The following ATP6V1H variants were observed in gnomAD, a reference collection of about 807,000 sequenced individuals.
ATP6V1H encodes ATPase H+ transporting V1 subunit H.
Under a neutral mutation model 71.7 loss-of-function variants are expected in ATP6V1H, and 39 were observed. That is an observed-to-expected ratio of 0.54 (90% CI 0.42 to 0.71). ATP6V1H has a LOEUF of 0.71. ATP6V1H is among the 30% of genes least tolerant of loss of function. The pLI, the probability that ATP6V1H is intolerant of heterozygous loss-of-function variation, is 0.00. For missense variants in ATP6V1H, 509 were observed against 594.9 expected, an observed-to-expected ratio of 0.86 and a Z score of 1.50; for synonymous variants, 192 against 199.3, an observed-to-expected ratio of 0.96 and a Z score of 0.31.
intron 5 of ATP6V1H, among the ~76,000 whole-genome samples, chr8:53,815,626 CT>C (rs1810423774): frequency 6.6e-6 from 1 of 152,312 alleles, no homozygotes; most frequent in East Asian, 1.9e-4. Flanking sequence ...AATGGGGCGC[CT>C]TTACTTGCTC....
intron 4 of ATP6V1H, among the ~76,000 whole-genome samples, chr8:53,823,413 CA>C (rs1431725528): frequency 2.0e-5 from 3 of 152,014 alleles, no homozygotes; most frequent in Admixed American, 6.6e-5. Context: ...TAAATCACTA[CA>C]TATCAGAGCT....
chr8:53,756,690 T>G, intron 11 of ATP6V1H, 34 bp from the exon 12 acceptor site: 1 of 1,450,468 alleles, frequency 6.9e-7, no homozygotes, highest in Non-Finnish European at 9.6e-7. Context: ...GAGATCAAGT[T>G]CTAATTTTTC....
intron 9 of ATP6V1H, 61 bp from the exon 10 acceptor site, chr8:53,772,228 C>A: frequency 7.6e-7 from 1 of 1,315,168 alleles, no homozygotes; most frequent in South Asian, 1.4e-5. Flanking sequence ...GATTCAGAGA[C>A]CTCTGCACAT....
Position 53,755,523 on chromosome 8 carries a change from C to T in ATP6V1H, c.1277+1032G>A, listed in dbSNP as rs189733191. 5.2e-3 allele frequency among the ~76,000 whole-genome samples: 768 copies of T among 148,128 alleles called. 4 individuals carry two copies. Among genetic ancestry groups the T allele is most frequent in the Non-Finnish European group, 9.9e-3 (661 of 67,002 alleles). ...TTACGGGGGGTGGGGGTGGGAGTGG[C>T]GATTCTTTTCCTAAGGGCCAGATAA... On this transcript the variant is annotated intron_variant, in intron 12 of 13. Transcript: ENST00000359530.
intron 9 of ATP6V1H, among the ~76,000 whole-genome samples, chr8:53,790,819 G>A (rs1340262221): frequency 6.6e-6 from 1 of 152,208 alleles, no homozygotes; most frequent in Admixed American, 6.5e-5. Context: ...CCTAGTTGTA[G>A]TAAAGGAACA....
intron 13 of ATP6V1H, among the ~76,000 whole-genome samples, chr8:53,734,824 A>G (rs947654879): frequency 2.6e-5 from 4 of 151,932 alleles, no homozygotes; most frequent in Non-Finnish European, 5.9e-5. Context: ...CCTTGTACCT[A>G]CTTATTCTAA....
chr8:53,781,819 T>C lies in ATP6V1H; in HGVS notation c.871-9652A>G, dbSNP rs1199528161. On this transcript the variant is annotated intron_variant, in intron 9 of 13. Coordinates refer to ENST00000359530, the MANE Select transcript of ATP6V1H (RefSeq NM_015941.4). ...GGGAATCCTTTCCCCATTGCTTGTT[T>C]TTGTCAGGTTTGTCAAAGATCAGAT... Among the ~76,000 whole-genome samples, 6 of 152,168 alleles carry C rather than the reference T, an allele frequency of 3.9e-5. No individual in the cohort carries two copies. In the East Asian group the frequency reaches 1.2e-3, roughly 29 times the overall value.
intron 12 of ATP6V1H, among the ~76,000 whole-genome samples, chr8:53,755,732 ATATATATATAT>A (rs1808022191): frequency 1.9e-4 from 1 of 5,164 alleles, no homozygotes. Flanking sequence ...ATATATATAT[ATATATATATAT>A]ATTTTTTTTT....
chr8:53,832,953 A>G (rs1811054161), intron 3 of ATP6V1H, 31 bp downstream of exon 3: 2 of 1,426,190 alleles, frequency 1.4e-6, no homozygotes, highest in Non-Finnish European at 2.0e-6. Flanking sequence ...TGACACGGGG[A>G]AGTGTTCATT....
At chr8:53,741,670 G>A (rs1807417246) in intron 13 of ATP6V1H, among the ~76,000 whole-genome samples, 1 of 152,200 alleles carries the variant, frequency 6.6e-6, no homozygotes, top group Non-Finnish European at 1.5e-5. Context: ...GAGAAATCCT[G>A]TGATGTATCC....
chr8:53,789,349 C>G (rs1487837918), intron 9 of ATP6V1H, among the ~76,000 whole-genome samples: 2 of 152,104 alleles, frequency 1.3e-5, no homozygotes, highest in South Asian at 4.2e-4. Context: ...TTTTGCTGGG[C>G]TTTAGATTAA....
intron 13 of ATP6V1H, among the ~76,000 whole-genome samples, chr8:53,724,616 C>G (rs886583244): frequency 2.8e-5 from 4 of 144,830 alleles, no homozygotes; most frequent in African/African-American, 1.0e-4. Flanking sequence ...ACCCCGACAG[C>G]CAAGAGGACG....
At chr8:53,769,375 T>G (rs1020859309) in intron 11 of ATP6V1H, among the ~76,000 whole-genome samples, 37 of 152,032 alleles carry the variant, frequency 2.4e-4, no homozygotes, top group African/African-American at 8.5e-4. Context: ...AGACAACAAC[T>G]TCATGTTCAG....
At chr8:53,740,749 T>C (rs1274186448) in intron 13 of ATP6V1H, among the ~76,000 whole-genome samples, 1 of 152,232 alleles carries the variant, frequency 6.6e-6, no homozygotes, top group Non-Finnish European at 1.5e-5. Flanking sequence ...AAAAAAGGTA[T>C]TGATCCAAAC....
At chr8:53,728,803 A>G (rs1788821166) in intron 13 of ATP6V1H, among the ~76,000 whole-genome samples, 1 of 152,182 alleles carries the variant, frequency 6.6e-6, no homozygotes. Flanking sequence ...TGATTTCACC[A>G]CAACCAAGAT....
At chr8:53,815,115 G>C (rs1810403172) in intron 5 of ATP6V1H, among the ~76,000 whole-genome samples, 1 of 152,032 alleles carries the variant, frequency 6.6e-6, no homozygotes, top group Non-Finnish European at 1.5e-5. Flanking sequence ...CAAACCACTT[G>C]CCAGAATTCT....
intron 11 of ATP6V1H, among the ~76,000 whole-genome samples, chr8:53,762,081 T>TGTTTTAAA (rs1808290835): frequency 6.6e-6 from 1 of 152,184 alleles, no homozygotes; most frequent in South Asian, 2.1e-4. Flanking sequence ...ACATGTGGTT[T>TGTTTTAAA]GTTTTAAAGT....
At chr8:53,828,909 A>G (rs976383961) in intron 4 of ATP6V1H, among the ~76,000 whole-genome samples, 3 of 152,224 alleles carry the variant, frequency 2.0e-5, no homozygotes. Flanking sequence ...TGTAAAATAC[A>G]TAAATATGAA....
intron 13 of ATP6V1H, among the ~76,000 whole-genome samples, chr8:53,738,530 C>A (rs1245785492): frequency 2.0e-5 from 3 of 152,150 alleles, no homozygotes; most frequent in Non-Finnish European, 4.4e-5. Flanking sequence ...GTCTACAAAG[C>A]CAATCGTAAG....
Sources: allele counts gnomAD v4.1 joint callset (sites outside exome capture counted in the v4.1 genomes callset), GRCh38; gene constraint gnomAD v4.1.1; transcripts MANE v1.5; gene names NCBI Gene and HGNC (gene_info 2026-07-23, HGNC 2026-07-21).